ZSWIM4: variants seen among roughly 807,000 people sequenced by gnomAD.
The protein encoded by ZSWIM4 is zinc finger SWIM domain-containing protein 4.
In ZSWIM4, 62 loss-of-function variants were observed where a neutral mutation model predicts 102.5. That is an observed-to-expected ratio of 0.60 (90% confidence interval 0.49 to 0.75). The LOEUF (loss-of-function observed/expected upper bound fraction) is 0.75, where lower values mean the gene tolerates loss of function less well. ZSWIM4 is among the 30% of genes least tolerant of loss of function. ZSWIM4 has a pLI of 0.00. For missense variants in ZSWIM4, 1,280 were observed against 1,529.6 expected (o/e 0.84, Z 2.72); for synonymous variants, 652 against 674.5 (o/e 0.97, Z 0.52).
intron 12 of ZSWIM4, among the ~76,000 whole-genome samples, chr19:13,826,903 A>G (rs80043234): frequency 0.027 from 4,080 of 152,122 alleles, 174 homozygotes; most frequent in African/African-American, 0.094. Flanking sequence ...GTAGGGTGTG[A>G]GTGCCATGGG....
In ZSWIM4 at chr19:13,830,806, G is replaced by A. The variant is rs538055965; in HGVS notation, c.3077G>A (p.Arg1026Gln). The A allele has an allele frequency of 3.7e-6, 6 of 1,604,570 alleles. No homozygotes were observed. The East Asian group carries it at 9.0e-5, about 24-fold the overall frequency. The change falls in exon 14 of 14, where the codon CGG (arginine) becomes CAG (glutamine). Residue 1026 changes from arginine (R) to glutamine (Q), a missense_variant. Physicochemically the swap from Arg to Gln is conservative, Grantham distance 43. Coordinates refer to ENST00000590508, the MANE Select transcript of ZSWIM4 (RefSeq NM_001367834.3). ...GCCGCCAAGCCACTGGGTGCCGACC[G>A]GGCGCCGCTCTGCCAGCTCCTGGAC... ...RRAAKPLGADRAPLCQLLDAA... is the reference protein window; with the variant it reads ...RRAAKPLGADQAPLCQLLDAA...
At position 13,808,836 on chromosome 19, in the gene ZSWIM4, G is replaced by A. The variant is rs1300921686; in HGVS notation, c.713G>A (p.Gly238Asp). The A allele has an allele frequency of 6.2e-7, 1 of 1,600,208 alleles. No individual in the cohort carries two copies. The highest frequency in any genetic ancestry group is 8.5e-7 in the Non-Finnish European group (1 of 1,172,626). Residue 238 changes from glycine to aspartate, a missense_variant and splice_region_variant, in exon 4 of 14, where the codon GGT becomes GAT. Coordinates refer to ENST00000590508, the MANE Select transcript of ZSWIM4 (RefSeq NM_001367834.3). Reference protein sequence around the residue: ...LLGSEINLVNGAPDPTAGAGI... With the variant: ...LLGSEINLVNDAPDPTAGAGI... ...GCTTCCTTTCCCTCCCTCCCGGCAG[G>A]TGCCCCAGACCCCACCGCCGGCGCA...
Position 13,819,382 on chromosome 19 carries a change from G to A in ZSWIM4, c.1950G>A (p.Glu650=). The A allele has an allele frequency of 6.2e-7, 1 of 1,613,864 alleles. No individual in the cohort carries two copies. The highest frequency in any genetic ancestry group is 8.5e-7 in the Non-Finnish European group (1 of 1,179,926). Reference sequence around the variant, plus strand: ...GGGGTCCCTTCAGTGGCTTTGGGGAGGTGCTGTTCCGGGAGAGCGTGCCCA... The same window carrying A: ...GGGGTCCCTTCAGTGGCTTTGGGGAAGTGCTGTTCCGGGAGAGCGTGCCCA... The part of the protein sequence containing the change: ...LEGGPFSGFG[E]VLFRESVPMH... Residue 650 remains glutamate (E), a synonymous_variant, in exon 10 of 14, where the codon GAG becomes GAA. Coordinates refer to ENST00000590508, the MANE Select transcript of ZSWIM4 (RefSeq NM_001367834.3).
intron 10 of ZSWIM4, among the ~76,000 whole-genome samples, chr19:13,822,165 C>CACAT (rs1975484565): frequency 2.6e-4 from 1 of 3,860 alleles, no homozygotes; most frequent in Non-Finnish European, 7.1e-4. Flanking sequence ...CACACACATA[C>CACAT]ACACACACAC....
At chr19:13,795,927 C>T (rs1005828822) in intron 1 of ZSWIM4, 126 bp downstream of exon 1, 12 of 542,408 alleles carry the variant, frequency 2.2e-5, no homozygotes, top group Non-Finnish European at 2.6e-5. Flanking sequence ...TGAGATTCCA[C>T]CCCCAGGACC....
At chr19:13,811,701 A>G (rs1406117144) in intron 5 of ZSWIM4, among the ~76,000 whole-genome samples, 4 of 152,048 alleles carry the variant, frequency 2.6e-5, no homozygotes. Flanking sequence ...ATTTATAGAT[A>G]CTTACTAATT....
chr19:13,807,989 C>T (rs1012385175), intron 3 of ZSWIM4, among the ~76,000 whole-genome samples: 1 of 152,118 alleles, frequency 6.6e-6, no homozygotes, highest in Non-Finnish European at 1.5e-5. Flanking sequence ...AGGAAACTTA[C>T]AATCATGGCG....
chr19:13,822,169 C>CACACACACACACACACACACACAT (rs1975484906), intron 10 of ZSWIM4, among the ~76,000 whole-genome samples: 1 of 60,770 alleles, frequency 1.6e-5, no homozygotes, highest in African/African-American at 1.3e-4. Flanking sequence ...CACATACACA[C>CACACACACACACACACACACACAT]ACACACACAC....
chr19:13,796,532 C>G (rs1334863497), intron 1 of ZSWIM4: 1 of 152,584 alleles, frequency 6.6e-6, no homozygotes, highest in Non-Finnish European at 1.5e-5. Flanking sequence ...CGGGGCTGCC[C>G]GTCTTCTCCT....
Position 13,822,838 on chromosome 19 carries a change from G to T in ZSWIM4, c.2061-508G>T, listed in dbSNP as rs192302157. Among the ~76,000 whole-genome samples the T allele has an allele frequency of 1.4e-4, 21 of 152,256 alleles. No individual in the cohort carries two copies. The East Asian group carries it at 3.7e-3, about 27-fold the overall frequency. The stretch of plus-strand genomic sequence containing the variant: ...CTACTAAAAATACAAAATTAGCCAG[G>T]TGTGGTAGTACACGCCTGTAATCCC... On this transcript the variant is annotated intron_variant, in intron 10 of 13. Coordinates refer to ENST00000590508, the MANE Select transcript of ZSWIM4 (RefSeq NM_001367834.3).
intron 5 of ZSWIM4, among the ~76,000 whole-genome samples, chr19:13,811,989 C>T (rs927445908): frequency 1.4e-4 from 21 of 151,994 alleles, no homozygotes; most frequent in African/African-American, 2.9e-4. Context: ...GCAGGAGAAT[C>T]GCTTGAACCC....
chr19:13,808,048 G>T (rs1372387095), intron 3 of ZSWIM4, among the ~76,000 whole-genome samples: 1 of 152,082 alleles, frequency 6.6e-6, no homozygotes, highest in Non-Finnish European at 1.5e-5. Flanking sequence ...TCAGGAGAGA[G>T]AGAGCGAAGG....
chr19:13,829,105 G>GA (rs372717096), intron 13 of ZSWIM4, among the ~76,000 whole-genome samples: 69 of 143,320 alleles, frequency 4.8e-4, no homozygotes, highest in Middle Eastern at 3.9e-3. Flanking sequence ...CCTCCTCTGG[G>GA]AAAAAAAAAA....
In ZSWIM4 at chr19:13,809,098, C is replaced by G. The variant is rs776627720; in HGVS notation, c.890C>G (p.Ser297Cys). 2.5e-6 allele frequency: 4 copies of G among 1,613,624 alleles called. No individual in the cohort carries two copies. Among genetic ancestry groups the G allele is most frequent in the East Asian group, 4.5e-5 (2 of 44,870 alleles). Residue 297 changes from serine to cysteine, a missense_variant, in exon 5 of 14, where the codon TCC (serine) becomes TGC (cysteine). Transcript: ENST00000590508. This position sits in a 1 kb window ranked among gnomAD's most constrained non-coding sequence, Gnocchi z 4.2. ...KVREMLRMRDSNGARMLILMT... is the reference protein window; with the variant it reads ...KVREMLRMRDCNGARMLILMT... ...CGGGAGATGCTGCGAATGCGGGACTCCAACGGGGCGCGCATGCTGATTCTC... is the reference window on the plus strand; with the variant it reads ...CGGGAGATGCTGCGAATGCGGGACTGCAACGGGGCGCGCATGCTGATTCTC...
Position 13,795,662 on chromosome 19 carries a change from C to A in ZSWIM4, c.14C>A (p.Ala5Glu). The change falls in exon 1 of 14, where the codon GCG (alanine) becomes GAG (glutamate). Residue 5 changes from alanine to glutamate, a missense_variant. Coordinates refer to ENST00000590508, the MANE Select transcript of ZSWIM4 (RefSeq NM_001367834.3). MEPP[A>E]AKRSRGCPAG... Reference sequence around the variant, plus strand: ...CGGCCGGGCCGGATGGAACCCCCCGCGGCCAAGCGGAGCCGGGGCTGCCCC... The same window carrying A: ...CGGCCGGGCCGGATGGAACCCCCCGAGGCCAAGCGGAGCCGGGGCTGCCCC... 1.2e-6 allele frequency: 1 copy of A among 848,992 alleles called. No homozygotes were observed. Among genetic ancestry groups the A allele is most frequent in the Non-Finnish European group, 1.5e-6 (1 of 655,906 alleles). The allele number at this position is 848,992 out of a possible 1,614,324, so 52.6% of individuals were successfully genotyped here.
rs1301741991 is a variant in ZSWIM4, at chr19:13,814,680, C to T, written c.1346C>T (p.Pro449Leu). ...ACAGGCAGCGTGGGTGGGGACAAACCGACTTTCGACCCCCAGGGCCGCCCA... is the reference window on the plus strand; with the variant it reads ...ACAGGCAGCGTGGGTGGGGACAAACTGACTTTCGACCCCCAGGGCCGCCCA... ...SLTGSVGGDK[P>L]TFDPQGRPLW... Residue 449 changes from proline (P) to leucine (L), a missense_variant, in exon 7 of 14, where the codon CCG becomes CTG. Coordinates refer to ENST00000590508, the MANE Select transcript of ZSWIM4 (RefSeq NM_001367834.3). 17 of 1,282,634 alleles carry T rather than the reference C, an allele frequency of 1.3e-5. No homozygotes were observed. The highest frequency in any genetic ancestry group is 4.3e-4 in the Middle Eastern group (2 of 4,662). The allele number at this position is 1,282,634 out of a possible 1,614,324, so 79.5% of individuals were successfully genotyped here.
chr19:13,828,370 T>C (rs1300695050), intron 12 of ZSWIM4, among the ~76,000 whole-genome samples: 1 of 151,700 alleles, frequency 6.6e-6, no homozygotes, highest in Non-Finnish European at 1.5e-5. Flanking sequence ...ATCGCACCAC[T>C]GCATGCCATT....
At position 13,814,718 on chromosome 19, in the gene ZSWIM4, G is replaced by A; in HGVS notation, c.1384G>A (p.Glu462Lys). 7.8e-7 allele frequency: 1 copy of A among 1,288,460 alleles called. No individual in the cohort carries two copies. The highest frequency in any genetic ancestry group is 1.0e-6 in the Non-Finnish European group (1 of 987,848). The allele number at this position is 1,288,460 out of a possible 1,614,324, so 79.8% of individuals were successfully genotyped here. A position where few individuals can be genotyped will look rare whatever the true frequency, so the allele number is the denominator to read the frequency against. ...DPQGRPLWLG[E>K]PFPTACARVD... Reference sequence around the variant, plus strand: ...CCAGGGCCGCCCACTGTGGCTGGGAGAACCTTTCCCCACTGCCTGTGCCCG... The same window carrying A: ...CCAGGGCCGCCCACTGTGGCTGGGAAAACCTTTCCCCACTGCCTGTGCCCG... Residue 462 changes from glutamate to lysine, a missense_variant, in exon 7 of 14, where the codon GAA becomes AAA. Glu to Lys is a moderately conservative substitution (Grantham distance 56). Transcript: ENST00000590508.
At chr19:13,820,320 C>T (rs1975428871) in intron 10 of ZSWIM4, among the ~76,000 whole-genome samples, 1 of 152,182 alleles carries the variant, frequency 6.6e-6, no homozygotes. Context: ...AGTGCAACCT[C>T]TGCCTCCCAG....
Sources: allele counts gnomAD v4.1 joint callset (sites outside exome capture counted in the v4.1 genomes callset), GRCh38; gene constraint gnomAD v4.1.1; non-coding constraint Gnocchi (gnomAD v3.1); transcripts MANE v1.5; gene names NCBI Gene and HGNC (gene_info 2026-07-23, HGNC 2026-07-21).